The following MAN1A1 variants were observed in gnomAD, a reference collection of about 807,000 sequenced individuals.
The protein encoded by MAN1A1 is mannosidase alpha class 1A member 1, also known as mannosyl-oligosaccharide 1,2-alpha-mannosidase IA.
In MAN1A1, 29 loss-of-function variants were observed where a neutral mutation model predicts 70.8. That is an observed-to-expected ratio of 0.41 (90% CI 0.31 to 0.56). The LOEUF (loss-of-function observed/expected upper bound fraction) is 0.56, where lower values mean the gene tolerates loss of function less well. Ranked by LOEUF, MAN1A1 falls within the 20% of genes least tolerant of loss-of-function variation. The pLI is 0.29. For synonymous variants in MAN1A1, 349 were observed against 330.1 expected, an observed-to-expected ratio of 1.06 and a Z score of -0.62; for missense variants, 747 against 841.3, an observed-to-expected ratio of 0.89 and a Z score of 1.39.
At chr6:119,259,769 C>G (rs1343070471) in intron 5 of MAN1A1, among the ~76,000 whole-genome samples, 2 of 152,116 alleles carry the variant, frequency 1.3e-5, no homozygotes, top group African/African-American at 2.4e-5. Context: ...TCTCAGTTTC[C>G]TCATCTACAA....
chr6:119,186,504 G>T (rs1773295325), intron 11 of MAN1A1, among the ~76,000 whole-genome samples: 1 of 152,154 alleles, frequency 6.6e-6, no homozygotes, highest in South Asian at 2.1e-4. Context: ...ACCCTCTGAA[G>T]AACCATGTAG....
At chr6:119,278,914 G>T (rs1263800147) in intron 5 of MAN1A1, among the ~76,000 whole-genome samples, 1 of 152,074 alleles carries the variant, frequency 6.6e-6, no homozygotes, top group Non-Finnish European at 1.5e-5. Flanking sequence ...GAGAAGCCAA[G>T]CAGATGCTGG....
chr6:119,203,893 T>C (rs1773785736), intron 7 of MAN1A1, among the ~76,000 whole-genome samples: 1 of 151,886 alleles, frequency 6.6e-6, no homozygotes, highest in East Asian at 1.9e-4. Context: ...GTCTAGAGTA[T>C]AGAGATGGTA....
rs568823682 is a variant in MAN1A1 at position 119,296,012 on chromosome 6, C to G, written c.817-5249G>C. 8.5e-5 allele frequency among the ~76,000 whole-genome samples: 13 copies of G among 152,288 alleles called. No individual in the cohort carries two copies. In the East Asian group the frequency reaches 2.3e-3, roughly 27 times the overall value. Reference sequence around the variant, plus strand: ...ACTGGTAACTACCAATAAGCCTTGCCTATGTTTAGGCTTAGCATACACCTT... The same window carrying G: ...ACTGGTAACTACCAATAAGCCTTGCGTATGTTTAGGCTTAGCATACACCTT... On this transcript the variant is annotated intron_variant, in intron 4 of 12. Transcript: ENST00000368468.
At chr6:119,248,851 G>A (rs1775241474) in intron 5 of MAN1A1, among the ~76,000 whole-genome samples, 1 of 152,202 alleles carries the variant, frequency 6.6e-6, no homozygotes, top group South Asian at 2.1e-4. Context: ...AGGTCTGTGT[G>A]TCTCCTCAGC....
rs548188658 is a variant in MAN1A1, at chr6:119,349,478, A to C, written c.-223+64T>G. On this transcript the variant is annotated intron_variant, in intron 1 of 12. Transcript: ENST00000368468. Reference sequence around the variant, plus strand: ...AGTTATCAGGTCCCGTGGGTAGGGGAGGGGTGTCCCGCGCAGGAAGGGGTC... The same window carrying C: ...AGTTATCAGGTCCCGTGGGTAGGGGCGGGGTGTCCCGCGCAGGAAGGGGTC... 5.2e-6 allele frequency: 5 copies of C among 954,194 alleles called. No individual in the cohort carries two copies. The East Asian group carries it at 4.6e-4, about 87-fold the overall frequency. The allele number at this position is 954,194 out of a possible 1,614,324, so 59.1% of individuals were successfully genotyped here. A position where few individuals can be genotyped will look rare whatever the true frequency, so the allele number is the denominator to read the frequency against.
intron 6 of MAN1A1, among the ~76,000 whole-genome samples, chr6:119,226,705 C>G (rs1311778177): frequency 1.3e-5 from 2 of 152,162 alleles, no homozygotes; most frequent in Non-Finnish European, 2.9e-5. Context: ...GAGTCCCACT[C>G]TGTTGCCCAG....
chr6:119,230,449 A>T (rs1196472033), intron 6 of MAN1A1, among the ~76,000 whole-genome samples: 1 of 152,112 alleles, frequency 6.6e-6, no homozygotes, highest in African/African-American at 2.4e-5. Flanking sequence ...GCCATCCTTC[A>T]GCCTCTTGGC....
intron 2 of MAN1A1, among the ~76,000 whole-genome samples, chr6:119,333,848 T>C (rs538531557): frequency 3.2e-4 from 49 of 152,322 alleles, no homozygotes; most frequent in Non-Finnish European, 5.6e-4. Flanking sequence ...TCTAGTGCCT[T>C]TACCTTATAA....
chr6:119,276,627 CTG>C (rs1168288486), intron 5 of MAN1A1, among the ~76,000 whole-genome samples: 1 of 152,192 alleles, frequency 6.6e-6, no homozygotes, highest in African/African-American at 2.4e-5. Flanking sequence ...TAAACCTAAA[CTG>C]TATTATACAG....
At chr6:119,220,149 T>C (rs939576286) in intron 6 of MAN1A1, among the ~76,000 whole-genome samples, 1 of 152,162 alleles carries the variant, frequency 6.6e-6, no homozygotes, top group African/African-American at 2.4e-5. Flanking sequence ...GAAATCTTTC[T>C]TCTGCCAAAA....
At chr6:119,238,765 T>C (rs763754818) in intron 6 of MAN1A1, among the ~76,000 whole-genome samples, 11 of 152,170 alleles carry the variant, frequency 7.2e-5, no homozygotes, top group Non-Finnish European at 1.6e-4. Context: ...ATAAAAACTA[T>C]AGCATGACAT....
chr6:119,287,550 T>C (rs1177848311), intron 5 of MAN1A1, among the ~76,000 whole-genome samples: 1 of 152,086 alleles, frequency 6.6e-6, no homozygotes, highest in African/African-American at 2.4e-5. Context: ...GTCACTTTTT[T>C]TTTTAATAGA....
At chr6:119,335,378 A>AT (rs1773426195) in intron 2 of MAN1A1, among the ~76,000 whole-genome samples, 1 of 152,242 alleles carries the variant, frequency 6.6e-6, no homozygotes, top group South Asian at 2.1e-4. Flanking sequence ...AAAAAGAGGA[A>AT]TTATTAACTC....
At chr6:119,216,917 A>G (rs1399472546) in intron 6 of MAN1A1, among the ~76,000 whole-genome samples, 2 of 152,248 alleles carry the variant, frequency 1.3e-5, no homozygotes, top group East Asian at 3.8e-4. Flanking sequence ...GCTGCACAGT[A>G]TTCTGTGGAT....
rs768370931 is a variant in MAN1A1, at chr6:119,247,357, A to G, written c.992+903T>C. ...AATCTCTCTGTGACTAGAGCTTCCT[A>G]TTGGTAAAATGGAGATAACAGCATT... On this transcript the variant is annotated intron_variant, in intron 6 of 12. Coordinates refer to ENST00000368468, the MANE Select transcript of MAN1A1 (RefSeq NM_005907.4). Among the ~76,000 whole-genome samples the G allele has an allele frequency of 1.3e-5, 2 of 152,168 alleles. 1 individual carries two copies. Among genetic ancestry groups the G allele is most frequent in the Non-Finnish European group, 2.9e-5 (2 of 68,038 alleles).
intron 6 of MAN1A1, among the ~76,000 whole-genome samples, chr6:119,240,566 A>T (rs1774976871): frequency 6.6e-6 from 1 of 151,974 alleles, no homozygotes; most frequent in South Asian, 2.1e-4. Flanking sequence ...CACTTAAAAA[A>T]CCCATTTACC....
chr6:119,215,291 C>T, intron 6 of MAN1A1, among the ~76,000 whole-genome samples: 1 of 152,056 alleles, frequency 6.6e-6, no homozygotes, highest in South Asian at 2.1e-4. Context: ...AACCTTTCTT[C>T]TTTATGTTCT....
chr6:119,348,109 C>T (rs1235053757), intron 2 of MAN1A1, among the ~76,000 whole-genome samples: 1 of 152,206 alleles, frequency 6.6e-6, no homozygotes, highest in Admixed American at 6.5e-5. Context: ...TACCAGGGGG[C>T]TGATCAGTGC....
Sources: gnomAD v4.1 joint callset for allele counts (sites outside exome capture counted in the v4.1 genomes callset) on GRCh38, gnomAD v4.1.1 for gene constraint, MANE v1.5 for transcripts, NCBI Gene and HGNC (gene_info 2026-07-23, HGNC 2026-07-21) for gene names.